The following GABRG3 variants were observed in gnomAD, a reference collection of about 807,000 sequenced individuals.
The protein encoded by GABRG3 is gamma-aminobutyric acid receptor subunit gamma-3.
A neutral mutation model predicts 48.8 loss-of-function variants in GABRG3; 25 were observed. The observed-to-expected ratio is 0.51, with a 90% confidence interval of 0.37 to 0.72. The LOEUF is 0.72. Among genes scored for constraint, GABRG3 ranks in the 30% least tolerant of loss-of-function variants. The probability of loss-of-function intolerance (pLI) is 0.00; values close to 1 mark genes in which losing one functional copy is unlikely to be tolerated. For missense variants in GABRG3, 394 were observed against 577.9 expected (o/e 0.68, Z 3.26); for synonymous variants, 227 against 217.6 (o/e 1.04, Z -0.38).
chr15:27,511,607 A>G (rs1890897578), intron 6 of GABRG3, among the ~76,000 whole-genome samples: 1 of 152,246 alleles, frequency 6.6e-6, no homozygotes, highest in African/African-American at 2.4e-5. Context: ...TCATTGAACA[A>G]ACATTCACAG....
In GABRG3 at chr15:27,054,749, G is replaced by A. The variant is rs114753456; in HGVS notation, c.270+27928G>A. ...CTGAAAGGACACTCAGCAGATCCGGGGGCTTCAGGTTGTGAGATGAGCTCT... is the reference window on the plus strand; with the variant it reads ...CTGAAAGGACACTCAGCAGATCCGGAGGCTTCAGGTTGTGAGATGAGCTCT... On this transcript the variant is annotated intron_variant, in intron 3 of 9. Transcript: ENST00000615808. Among the ~76,000 whole-genome samples, 551 of 152,272 alleles carry A rather than the reference G, an allele frequency of 3.6e-3. 5 individuals carry two copies. The highest frequency in any genetic ancestry group is 0.012 in the African/African-American group (511 of 41,552).
intron 5 of GABRG3, among the ~76,000 whole-genome samples, chr15:27,386,118 T>C (rs546723004): frequency 1.3e-5 from 2 of 152,168 alleles, no homozygotes; most frequent in African/African-American, 4.8e-5. Flanking sequence ...TCGTCTTCTC[T>C]CTCTCTCTTT....
At chr15:27,171,389 G>A (rs972114513) in intron 3 of GABRG3, among the ~76,000 whole-genome samples, 1 of 151,912 alleles carries the variant, frequency 6.6e-6, no homozygotes, top group African/African-American at 2.4e-5. Flanking sequence ...AGAAATAAAG[G>A]AACGTTGTCG....
At chr15:27,156,997 A>G (rs1353425879) in intron 3 of GABRG3, among the ~76,000 whole-genome samples, 2 of 152,226 alleles carry the variant, frequency 1.3e-5, no homozygotes, top group Non-Finnish European at 2.9e-5. Context: ...CTAAAAGCAG[A>G]GTTGCAGGAG....
At position 27,073,754 on chromosome 15, in the gene GABRG3, G is replaced by A. The variant is rs369312574; in HGVS notation, c.270+46933G>A. ...TTCCAAGGGACAAGAGTCCAAGCTT[G>A]ACTTGGCTGGGCCTTCTGCAAGGTG... On this transcript the variant is annotated intron_variant, in intron 3 of 9. Coordinates refer to ENST00000615808, the MANE Select transcript of GABRG3 (RefSeq NM_033223.5). 1.2e-4 allele frequency among the ~76,000 whole-genome samples: 19 copies of A among 152,336 alleles called. No individual in the cohort carries two copies. In the East Asian group the frequency reaches 3.1e-3, roughly 25 times the overall value.
chr15:27,350,596 A>G (rs1894530995), intron 5 of GABRG3, among the ~76,000 whole-genome samples: 1 of 152,122 alleles, frequency 6.6e-6, no homozygotes, highest in South Asian at 2.1e-4. Context: ...CTCTACGTCC[A>G]GGGAGTCTGG....
At chr15:27,102,055 T>C (rs1264785109) in intron 3 of GABRG3, among the ~76,000 whole-genome samples, 1 of 151,898 alleles carries the variant, frequency 6.6e-6, no homozygotes, top group African/African-American at 2.4e-5. Context: ...GTCCGGCCTC[T>C]CTACGTCCAT....
intron 5 of GABRG3, among the ~76,000 whole-genome samples, chr15:27,450,461 A>T (rs1407841130): frequency 6.6e-6 from 1 of 152,172 alleles, no homozygotes; most frequent in African/African-American, 2.4e-5. Flanking sequence ...AAGGACAAAA[A>T]CCTTATGATC....
intron 6 of GABRG3, among the ~76,000 whole-genome samples, chr15:27,488,720 T>A (rs1172865588): frequency 6.6e-6 from 1 of 152,122 alleles, no homozygotes; most frequent in Non-Finnish European, 1.5e-5. Flanking sequence ...GATAAATATA[T>A]CCCTTTGCAA....
chr15:27,069,480 A>G (rs1174675926), intron 3 of GABRG3, among the ~76,000 whole-genome samples: 2 of 152,212 alleles, frequency 1.3e-5, no homozygotes, highest in African/African-American at 2.4e-5. Flanking sequence ...GTAACTGTAC[A>G]CTGTCAGAGA....
rs1404340672 is a variant in GABRG3, at chr15:27,319,228, A to C, written c.271-7581A>C. 6.6e-6 allele frequency among the ~76,000 whole-genome samples: 1 copy of C among 152,138 alleles called. No individual in the cohort carries two copies. Among genetic ancestry groups the C allele is most frequent in the African/African-American group, 2.4e-5 (1 of 41,426 alleles). On this transcript the variant is annotated intron_variant, in intron 3 of 9. Transcript: ENST00000615808. The surrounding 1 kb of genome is among the most constrained non-coding windows in gnomAD (Gnocchi z 4.4). ...AGCTCAGTAAAGCCAGGGGGAAAAA[A>C]ATGTCTGAAACCAACAAGGGCTCCA...
intron 6 of GABRG3, among the ~76,000 whole-genome samples, chr15:27,519,347 T>C (rs1340093059): frequency 1.3e-5 from 2 of 152,084 alleles, no homozygotes; most frequent in Non-Finnish European, 2.9e-5. Flanking sequence ...TTCTTTATGG[T>C]GTGGTTCTGC....
At chr15:27,003,846 G>A (rs1011513729) in intron 2 of GABRG3, among the ~76,000 whole-genome samples, 5 of 127,302 alleles carry the variant, frequency 3.9e-5, no homozygotes, top group Admixed American at 7.9e-5. Context: ...CTGGCCGGGC[G>A]GGGGGGGCTG....
rs771279615 is a variant in GABRG3 at position 27,457,011 on chromosome 15, C to T, written c.575-23639C>T. On this transcript the variant is annotated intron_variant, in intron 5 of 9. Coordinates refer to ENST00000615808, the MANE Select transcript of GABRG3 (RefSeq NM_033223.5). The surrounding 1 kb of genome is among the most constrained non-coding windows in gnomAD (Gnocchi z 4.4). ...CCACTTTCCCGAGCTCCACCTACCA[C>T]GCCGACCTCAGAAGGACCTGTGACA... 1.2e-4 allele frequency among the ~76,000 whole-genome samples: 18 copies of T among 152,306 alleles called. No homozygotes were observed. The highest frequency in any genetic ancestry group is 2.6e-4 in the African/African-American group (11 of 41,572).
At chr15:26,986,132 C>T (rs990856962) in intron 2 of GABRG3, among the ~76,000 whole-genome samples, 2 of 152,128 alleles carry the variant, frequency 1.3e-5, no homozygotes, top group South Asian at 4.1e-4. Flanking sequence ...GGCCAGTCCT[C>T]ACCTGAAATC....
intron 2 of GABRG3, among the ~76,000 whole-genome samples, chr15:27,012,319 G>A (rs988952682): frequency 3.3e-5 from 5 of 151,848 alleles, no homozygotes; most frequent in African/African-American, 1.2e-4. Context: ...ACCTTTTGTT[G>A]GGCTCATCTT....
At chr15:27,200,455 A>G (rs769606717) in intron 3 of GABRG3, among the ~76,000 whole-genome samples, 83 of 152,160 alleles carry the variant, frequency 5.5e-4, no homozygotes, top group Non-Finnish European at 7.6e-4. Flanking sequence ...TGAATCAAGA[A>G]TGCAGGCTGT....
intron 3 of GABRG3, among the ~76,000 whole-genome samples, chr15:27,059,075 T>A (rs1190484318): frequency 1.3e-5 from 2 of 152,232 alleles, no homozygotes; most frequent in African/African-American, 4.8e-5. Context: ...ATTCTTCATA[T>A]AAGAACTCTG....
intron 3 of GABRG3, among the ~76,000 whole-genome samples, chr15:27,176,672 T>C (rs530904383): frequency 1.3e-5 from 2 of 152,254 alleles, no homozygotes; most frequent in South Asian, 4.1e-4. Flanking sequence ...TTCTAGAACT[T>C]GCATGAAGGT....
Sources: gnomAD v4.1 joint callset for allele counts (sites outside exome capture counted in the v4.1 genomes callset) on GRCh38, gnomAD v4.1.1 for gene constraint, Gnocchi (gnomAD v3.1) non-coding constraint, MANE v1.5 for transcripts, NCBI Gene and HGNC (gene_info 2026-07-23, HGNC 2026-07-21) for gene names.